NOTCH2: variants seen among roughly 807,000 people sequenced by gnomAD.
NOTCH2 encodes notch receptor 2, also known as neurogenic locus notch homolog protein 2.
In NOTCH2, 29 loss-of-function variants were observed where a neutral mutation model predicts 235.8. That is an observed-to-expected ratio of 0.12 (90% CI 0.09 to 0.17). The LOEUF (loss-of-function observed/expected upper bound fraction) is 0.17, where lower values mean the gene tolerates loss of function less well. Ranked by LOEUF, NOTCH2 falls within the 10% of genes least tolerant of loss-of-function variation. The probability of loss-of-function intolerance (pLI) is 1.00; values close to 1 mark genes in which losing one functional copy is unlikely to be tolerated. For missense variants in NOTCH2, 2,285 were observed against 3,150.2 expected, an observed-to-expected ratio of 0.73 and a Z score of 6.57; for synonymous variants, 1,086 against 1,141.5, an observed-to-expected ratio of 0.95 and a Z score of 0.98.
chr1:119,973,239 T>C (rs1169234179), intron 5 of NOTCH2, among the ~76,000 whole-genome samples: 1 of 152,206 alleles, frequency 6.6e-6, no homozygotes, highest in Non-Finnish European at 1.5e-5. Context: ...TTCTGCCAGA[T>C]TATTTTCTCC....
At chr1:119,964,638 TTC>T (rs1195867865) in intron 10 of NOTCH2, among the ~76,000 whole-genome samples, 2 of 152,376 alleles carry the variant, frequency 1.3e-5, no homozygotes, top group South Asian at 2.1e-4. Flanking sequence ...AAATTTGCTT[TTC>T]TGTGATCAGA....
chr1:119,948,093 T>G (rs1171207416), intron 17 of NOTCH2, among the ~76,000 whole-genome samples: 1 of 152,216 alleles, frequency 6.6e-6, no homozygotes, highest in Non-Finnish European at 1.5e-5. Flanking sequence ...TGCCAAATTG[T>G]ACACTGAAAA....
chr1:119,937,607 G>C (rs1257996883), intron 20 of NOTCH2, 141 bp from the exon 21 acceptor site: 4 of 848,408 alleles, frequency 4.7e-6, no homozygotes, highest in Non-Finnish European at 7.6e-6. Context: ...CTCAGTACCA[G>C]ATGCATATTA....
chr1:120,032,505 G>C (rs1204768158), intron 1 of NOTCH2, among the ~76,000 whole-genome samples: 1 of 137,538 alleles, frequency 7.3e-6, no homozygotes, highest in East Asian at 2.0e-4. Context: ...TAGCCCTAGT[G>C]AACCAATCAA....
rs1289743459 is a variant in NOTCH2, at chr1:119,916,457, T to C, written c.6265A>G (p.Arg2089Gly). ...ALSPVICGPN[R>G]SFLSLKHTPM... is the part of the protein sequence containing the mutation. ...GTGTGCTTCAGGCTGAGGAAAGATC[T>C]GTTGGGCCCACAGATGACAGGTGAG... Residue 2089 changes from arginine (R) to glycine (G), a missense_variant, in exon 34 of 34, where the codon AGA becomes GGA. By Grantham distance (125) the Arg-to-Gly change is moderately radical. Transcript: ENST00000256646. 1 of 1,613,408 alleles carries C rather than the reference T, an allele frequency of 6.2e-7. No individual in the cohort carries two copies. The highest frequency in any genetic ancestry group is 1.7e-5 in the Admixed American group (1 of 60,000).
intron 32 of NOTCH2, among the ~76,000 whole-genome samples, 193 bp downstream of exon 32, chr1:119,918,213 A>G (rs1649154520): frequency 6.6e-6 from 1 of 152,148 alleles, no homozygotes; most frequent in African/African-American, 2.4e-5. Flanking sequence ...AAAATCCCTC[A>G]TTTTAATTAG....
chr1:120,066,278 TA>T (rs1288204315), intron 1 of NOTCH2, among the ~76,000 whole-genome samples: 6 of 148,532 alleles, frequency 4.0e-5, no homozygotes, highest in African/African-American at 9.9e-5. Flanking sequence ...CACCTGAAGG[TA>T]AAAAAAAATG....
intron 2 of NOTCH2, among the ~76,000 whole-genome samples, chr1:120,029,421 G>A (rs1654006962): frequency 6.6e-6 from 1 of 152,004 alleles, no homozygotes; most frequent in Admixed American, 6.6e-5. Context: ...TGTGGTGTCA[G>A]CTCACTGCAA....
chr1:120,004,779 T>C (rs1353499309), intron 3 of NOTCH2, among the ~76,000 whole-genome samples: 21 of 151,226 alleles, frequency 1.4e-4, no homozygotes, highest in African/African-American at 4.9e-4. Flanking sequence ...CTGGTGTACA[T>C]ATTTTTTTTT....
chr1:119,925,259 TGTTA>T (rs777601724), intron 25 of NOTCH2, 42 bp downstream of exon 25: 1 of 1,609,702 alleles, frequency 6.2e-7, no homozygotes, highest in Non-Finnish European at 8.5e-7. Context: ...AACTGAAGTG[TGTTA>T]GTGACAGTCC....
chr1:120,027,074 C>T (rs868980818), intron 2 of NOTCH2, among the ~76,000 whole-genome samples: 1 of 145,720 alleles, frequency 6.9e-6, no homozygotes, highest in African/African-American at 2.6e-5. Flanking sequence ...GCCTCAGCCT[C>T]CCGAGTAACT....
intron 3 of NOTCH2, 151 bp downstream of exon 3, chr1:120,005,178 A>G: frequency 2.2e-6 from 2 of 898,946 alleles, no homozygotes; most frequent in South Asian, 3.0e-5. Context: ...AGTTAGGGAT[A>G]GTTGTCTGGA....
intron 14 of NOTCH2, among the ~76,000 whole-genome samples, chr1:119,952,404 G>A (rs191746888): frequency 1.1e-4 from 16 of 152,244 alleles, no homozygotes; most frequent in Admixed American, 9.2e-4. Flanking sequence ...CAATGAAGTA[G>A]TTTTACAACT....
chr1:120,023,347 G>A (rs1325784784), intron 2 of NOTCH2, among the ~76,000 whole-genome samples: 6 of 151,276 alleles, frequency 4.0e-5, no homozygotes, highest in Admixed American at 4.0e-4. Flanking sequence ...TGAGGCAGGA[G>A]AATGGCAAGA....
chr1:120,067,480 A>G (rs587608896), intron 1 of NOTCH2, among the ~76,000 whole-genome samples: 1 of 152,230 alleles, frequency 6.6e-6, no homozygotes, highest in Non-Finnish European at 1.5e-5. Context: ...CTGATATCAT[A>G]TTATTTAATA....
chr1:119,974,835 T>C (rs1374882656), intron 5 of NOTCH2, among the ~76,000 whole-genome samples: 3 of 152,224 alleles, frequency 2.0e-5, no homozygotes, highest in Non-Finnish European at 4.4e-5. Context: ...TGTGATTTCA[T>C]ATTTATTTAC....
rs1649046175 is a variant in NOTCH2, at chr1:119,915,812, T to C, written c.6910A>G (p.Ile2304Val). ...ITTPREPLPP[I>V]VTFQLIPKGS... Reference sequence around the variant, plus strand: ...TTAGGGATGAGCTGGAAAGTCACAATGGGGGGCAAGGGCTCCCGAGGGGTG... The same window carrying C: ...TTAGGGATGAGCTGGAAAGTCACAACGGGGGGCAAGGGCTCCCGAGGGGTG... Residue 2304 changes from isoleucine (I) to valine (V), a missense_variant, in exon 34 of 34, where the codon ATT becomes GTT. Physicochemically the swap from Ile to Val is conservative, Grantham distance 29. Around this residue, in one of 6 missense-constraint regions of NOTCH2, gnomAD observed 504 missense variants for 538.0 expected, o/e 0.94. Transcript: ENST00000256646. 1 of 1,613,498 alleles carries C rather than the reference T, an allele frequency of 6.2e-7. No individual in the cohort carries two copies. Among genetic ancestry groups the C allele is most frequent in the Non-Finnish European group, 8.5e-7 (1 of 1,179,590 alleles).
Position 119,937,839 on chromosome 1 carries a change from C to T in NOTCH2, c.3337+18G>A. ...AATACTGCAGTGAATGACCTGAGCC[C>T]AAGGGAGCAAAGCTTACCTCTCCTG... On this transcript the variant is annotated intron_variant, in intron 20 of 33. Transcript: ENST00000256646. The T allele has an allele frequency of 6.2e-7, 1 of 1,614,032 alleles. No individual in the cohort carries two copies. Among genetic ancestry groups the T allele is most frequent in the Non-Finnish European group, 8.5e-7 (1 of 1,179,990 alleles).
rs199611261 is a variant in NOTCH2, at chr1:119,940,763, A to G, written c.2982-7T>C. On this transcript the variant is annotated splice_polypyrimidine_tract_variant and splice_region_variant and intron_variant, in intron 18 of 33. Transcript: ENST00000256646. ...GCCACCATTGAAACAGGAGCTAAGAAGCAAACAGAGCAACATCAGCTATGT... is the reference window on the plus strand; with the variant it reads ...GCCACCATTGAAACAGGAGCTAAGAGGCAAACAGAGCAACATCAGCTATGT... The G allele has an allele frequency of 1.9e-6, 3 of 1,612,052 alleles. No individual in the cohort carries two copies. The African/African-American group carries it at 4.0e-5, about 22-fold the overall frequency.
Sources: allele counts gnomAD v4.1 joint callset (sites outside exome capture counted in the v4.1 genomes callset), GRCh38; gene constraint gnomAD v4.1.1; regional missense constraint gnomAD v4.1.1; transcripts MANE v1.5; gene names NCBI Gene and HGNC (gene_info 2026-07-23, HGNC 2026-07-21).